MAML2: variants seen among roughly 807,000 people sequenced by gnomAD.
MAML2 encodes the protein mastermind-like protein 2.
Under a neutral mutation model 96.1 loss-of-function variants are expected in MAML2, and 22 were observed. The observed-to-expected ratio is 0.23, with a 90% CI of 0.16 to 0.33. The LOEUF (loss-of-function observed/expected upper bound fraction) is 0.33. MAML2 is among the 10% of genes least tolerant of loss of function. The pLI, the probability that MAML2 is intolerant of heterozygous loss-of-function variation, is 1.00. For synonymous variants in MAML2, 561 were observed against 521.3 expected (o/e 1.08, Z -1.04); for missense variants, 1,367 against 1,392.4 (o/e 0.98, Z 0.29).
chr11:95,994,406 G>A (rs1262673895), intron 2 of MAML2, among the ~76,000 whole-genome samples: 2 of 152,280 alleles, frequency 1.3e-5, no homozygotes, highest in East Asian at 3.9e-4. Flanking sequence ...AAGCCACTAA[G>A]AATGTGGACT....
chr11:96,023,692 T>C (rs936191362), intron 2 of MAML2, among the ~76,000 whole-genome samples: 49 of 152,172 alleles, frequency 3.2e-4, no homozygotes, highest in African/African-American at 1.1e-3. Flanking sequence ...TGGCCATTGA[T>C]CACAAGGCCT....
Position 96,028,728 on chromosome 11 carries a change from A to T in MAML2, c.2140-37005T>A, listed in dbSNP as rs143452479. Among the ~76,000 whole-genome samples, 59 of 152,366 alleles carry T rather than the reference A, an allele frequency of 3.9e-4. 1 individual carries two copies. Among genetic ancestry groups the T allele is most frequent in the African/African-American group, 1.3e-3 (55 of 41,594 alleles). On this transcript the variant is annotated intron_variant, in intron 2 of 4. Coordinates refer to ENST00000524717, the MANE Select transcript of MAML2 (RefSeq NM_032427.4). ...AGTCAGACTGGAGAAAGGAGAAAAA[A>T]AGAAAATTATGTGTTCTGAAAAAGG...
intron 2 of MAML2, among the ~76,000 whole-genome samples, chr11:96,002,203 TG>T (rs1406807454): frequency 3.9e-5 from 6 of 152,178 alleles, no homozygotes; most frequent in African/African-American, 1.4e-4. Flanking sequence ...ATGTTCATTG[TG>T]AAATTCCCAG....
chr11:96,048,460 A>AT (rs1195084641), intron 2 of MAML2, among the ~76,000 whole-genome samples: 2 of 152,188 alleles, frequency 1.3e-5, no homozygotes, highest in Admixed American at 6.5e-5. Flanking sequence ...TATACAACTA[A>AT]TTTTTTGCAC....
intron 1 of MAML2, among the ~76,000 whole-genome samples, chr11:96,124,353 A>C (rs965795112): frequency 6.6e-6 from 1 of 152,126 alleles, no homozygotes; most frequent in Non-Finnish European, 1.5e-5. Flanking sequence ...GTGGTGTGTT[A>C]GCCAGTAATT....
At chr11:96,145,805 C>T (rs567234431) in intron 1 of MAML2, among the ~76,000 whole-genome samples, 49 of 152,218 alleles carry the variant, frequency 3.2e-4, no homozygotes, top group East Asian at 1.9e-3. Context: ...GTCAGGAGTT[C>T]GAGACCAGCC....
intron 1 of MAML2, among the ~76,000 whole-genome samples, chr11:96,222,171 G>A (rs1427796860): frequency 6.6e-6 from 1 of 152,190 alleles, no homozygotes; most frequent in Non-Finnish European, 1.5e-5. Context: ...CACTGTTGCA[G>A]ACTGGAGGCT....
At chr11:96,131,553 T>C (rs552760729) in intron 1 of MAML2, among the ~76,000 whole-genome samples, 2 of 152,200 alleles carry the variant, frequency 1.3e-5, no homozygotes, top group Admixed American at 1.3e-4. Context: ...ATTGCGTTTA[T>C]ATGAAATACC....
chr11:96,211,774 G>A (rs1166756959), intron 1 of MAML2, among the ~76,000 whole-genome samples: 2 of 152,134 alleles, frequency 1.3e-5, no homozygotes, highest in African/African-American at 4.8e-5. Flanking sequence ...CAATAGTTTG[G>A]ATTCGTCTTT....
Position 96,342,210 on chromosome 11 carries a change from A to G in MAML2, c.-315T>C. On this transcript the variant is annotated 5_prime_UTR_variant, in exon 1 of 5. Transcript: ENST00000524717. ...GTTGGTGGATTTTTTTTCCTCCACC[A>G]AGCTGACAAGAGCCACTAGGTACTT... 2.1e-6 allele frequency: 1 copy of G among 478,004 alleles called. No individual in the cohort carries two copies. The highest frequency in any genetic ancestry group is 3.7e-6 in the Non-Finnish European group (1 of 271,718). 29.6% of individuals were successfully genotyped at this position (478,004 alleles called of 1,614,324 possible).
At chr11:96,117,327 G>A (rs533323365) in intron 1 of MAML2, among the ~76,000 whole-genome samples, 48 of 148,418 alleles carry the variant, frequency 3.2e-4, no homozygotes, top group Admixed American at 6.8e-4. Flanking sequence ...ACAGGGTCTC[G>A]CTCTGTTGCC....
intron 1 of MAML2, among the ~76,000 whole-genome samples, chr11:96,184,783 G>T (rs1272266977): frequency 6.6e-6 from 1 of 151,904 alleles, no homozygotes; most frequent in East Asian, 1.9e-4. Flanking sequence ...TAGAGACGGG[G>T]TTTCACCGTG....
intron 1 of MAML2, among the ~76,000 whole-genome samples, chr11:96,234,781 T>C (rs2135957082): frequency 6.6e-6 from 1 of 152,368 alleles, no homozygotes; most frequent in East Asian, 1.9e-4. Flanking sequence ...CTTAACTTCA[T>C]TTCCATTTTT....
chr11:96,124,851 G>A (rs1038994184), intron 1 of MAML2, among the ~76,000 whole-genome samples: 1 of 152,126 alleles, frequency 6.6e-6, no homozygotes, highest in Non-Finnish European at 1.5e-5. Flanking sequence ...GCCATGATTT[G>A]CAAAAAGAAG....
chr11:95,993,425 G>A (rs1270921086), intron 2 of MAML2, among the ~76,000 whole-genome samples: 1 of 151,996 alleles, frequency 6.6e-6, no homozygotes, highest in Non-Finnish European at 1.5e-5. Flanking sequence ...AAATTAGTTG[G>A]GTGTGGTGGC....
intron 1 of MAML2, among the ~76,000 whole-genome samples, chr11:96,336,733 CA>C (rs934038811): frequency 6.6e-6 from 1 of 151,952 alleles, no homozygotes; most frequent in African/African-American, 2.4e-5. Context: ...CAAACAACAA[CA>C]AAAAAACAAA....
intron 1 of MAML2, among the ~76,000 whole-genome samples, chr11:96,191,689 G>A (rs193253745): frequency 2.0e-4 from 29 of 145,748 alleles, no homozygotes; most frequent in African/African-American, 6.9e-4. Flanking sequence ...GGAGAAAGGC[G>A]TGATCCCAGG....
chr11:96,227,980 T>C (rs571381823), intron 1 of MAML2, among the ~76,000 whole-genome samples: 2 of 152,268 alleles, frequency 1.3e-5, no homozygotes, highest in African/African-American at 4.8e-5. Flanking sequence ...TGCACACCTG[T>C]AGTCCCAGCC....
chr11:96,177,449 T>C (rs1861404553), intron 1 of MAML2, among the ~76,000 whole-genome samples: 1 of 152,212 alleles, frequency 6.6e-6, no homozygotes, highest in Non-Finnish European at 1.5e-5. Context: ...AGGTAGGTTT[T>C]ATCCAAAATA....
Sources: allele counts gnomAD v4.1 joint callset (sites outside exome capture counted in the v4.1 genomes callset), GRCh38; gene constraint gnomAD v4.1.1; transcripts MANE v1.5; gene names NCBI Gene and HGNC (gene_info 2026-07-23, HGNC 2026-07-21).